Variants in FLNB observed in about 807,000 individuals in gnomAD.
FLNB encodes the protein filamin-B.
In FLNB, 111 loss-of-function variants were observed where a neutral mutation model predicts 250.6. The ratio of observed to expected loss-of-function variants is 0.44; its 90% confidence interval spans 0.38 to 0.52. The LOEUF (loss-of-function observed/expected upper bound fraction) is 0.52. FLNB is among the 20% of genes least tolerant of loss of function. The pLI is 0.00. For synonymous variants in FLNB, 1,302 were observed against 1,372.1 expected (o/e 0.95, Z 1.13); for missense variants, 2,869 against 3,447.8 (o/e 0.83, Z 4.20).
intron 1 of FLNB, among the ~76,000 whole-genome samples, chr3:58,019,471 T>G (rs2097110570): frequency 6.6e-6 from 1 of 152,192 alleles, no homozygotes; most frequent in Non-Finnish European, 1.5e-5. Flanking sequence ...CCTCTTTCTT[T>G]TAGGTTGACA....
At chr3:58,147,356 C>T (rs942928394) in intron 34 of FLNB, among the ~76,000 whole-genome samples, 6 of 152,226 alleles carry the variant, frequency 3.9e-5, no homozygotes, top group African/African-American at 1.4e-4. Flanking sequence ...AAATTTTCTG[C>T]TATCCCTTTT....
chr3:58,047,315 T>C (rs1053011446), intron 1 of FLNB, among the ~76,000 whole-genome samples: 3 of 152,324 alleles, frequency 2.0e-5, no homozygotes, highest in African/African-American at 7.2e-5. Flanking sequence ...TTAACAGTTT[T>C]CATTTTAGCA....
chr3:58,158,056 G>C (rs551850619), intron 41 of FLNB, among the ~76,000 whole-genome samples: 18 of 133,418 alleles, frequency 1.3e-4, no homozygotes, highest in African/African-American at 4.9e-4. Context: ...GGCATGTATC[G>C]TTTTGTCTTG....
At position 58,067,091 on chromosome 3, in the gene FLNB, G is replaced by A. The variant is rs556387667; in HGVS notation, c.293-9955G>A. On this transcript the variant is annotated intron_variant, in intron 1 of 45. Transcript: ENST00000295956. Reference sequence around the variant, plus strand: ...TCTGTTGCAGAGAAATCCTGGCCACGACTCCCCCATGCCATGCCCAGGGCA... The same window carrying A: ...TCTGTTGCAGAGAAATCCTGGCCACAACTCCCCCATGCCATGCCCAGGGCA... Among the ~76,000 whole-genome samples the A allele has an allele frequency of 3.3e-5, 5 of 152,252 alleles. No homozygotes were observed. In the East Asian group the frequency reaches 5.8e-4, roughly 18 times the overall value.
intron 7 of FLNB, 129 bp from the exon 8 acceptor site, chr3:58,098,582 C>T (rs1178771446): frequency 2.5e-6 from 2 of 801,740 alleles, no homozygotes. Flanking sequence ...ATCTACCCAC[C>T]TCGGCCTCTC....
chr3:58,129,510 G>A (rs2097303049), intron 24 of FLNB, among the ~76,000 whole-genome samples: 1 of 152,180 alleles, frequency 6.6e-6, no homozygotes, highest in South Asian at 2.1e-4. Context: ...ACTCTCTAAA[G>A]TAAAGCCCCC....
At chr3:58,148,584 G>A in intron 35 of FLNB, 65 bp from the exon 36 acceptor site, 1 of 1,407,562 alleles carries the variant, frequency 7.1e-7, no homozygotes, top group African/African-American at 1.4e-5. Context: ...ATTTCTGAGA[G>A]TGTGTCTCTC....
At chr3:58,101,103 T>C (rs965300955) in intron 8 of FLNB, among the ~76,000 whole-genome samples, 4 of 152,216 alleles carry the variant, frequency 2.6e-5, no homozygotes, top group African/African-American at 9.6e-5. Flanking sequence ...CGTAAGCTTA[T>C]GTTCATCCAT....
At chr3:58,112,357 C>T (rs2097270308) in intron 18 of FLNB, 39 bp downstream of exon 18, 2 of 1,600,792 alleles carry the variant, frequency 1.2e-6, no homozygotes, top group Non-Finnish European at 1.7e-6. Context: ...GGCCCCCAGC[C>T]AGGCCCCTTT....
intron 1 of FLNB, among the ~76,000 whole-genome samples, chr3:58,065,605 G>T (rs2097184360): frequency 6.6e-6 from 1 of 152,248 alleles, no homozygotes. Flanking sequence ...GCCCAGGAGA[G>T]GGGGCTGGAA....
intron 1 of FLNB, among the ~76,000 whole-genome samples, chr3:58,075,306 C>T (rs915561836): frequency 6.6e-6 from 1 of 152,110 alleles, no homozygotes; most frequent in African/African-American, 2.4e-5. Context: ...GGAACTCACA[C>T]ATAAATGCTG....
Position 58,097,823 on chromosome 3 carries a change from C to A in FLNB, c.993C>A (p.Val331=), listed in dbSNP as rs775545607. Residue 331 remains valine (V), a synonymous_variant, in exon 7 of 46, where the codon GTC becomes GTA. Transcript: ENST00000295956. ...CTATCTGTCACCTATAGGTCACAGT[C>A]CTCTTTGCAGGACAGCACATCTCCA... is the stretch of plus-strand genomic sequence containing the variant. The part of the protein sequence containing the change: ...PKVTGLHKVT[V]LFAGQHISKS... The A allele has an allele frequency of 1.1e-5, 18 of 1,614,002 alleles. No individual in the cohort carries two copies. In the East Asian group the frequency reaches 3.6e-4, roughly 32 times the overall value.
rs984880833 is a variant in FLNB at position 58,150,590 on chromosome 3, T to A, written c.6367+363T>A. Reference sequence around the variant, plus strand: ...CCAGGGTCTGGAAGTATTTAAGAGGTGGCAGCCCAGCGGCATCCTTCTAGT... The same window carrying A: ...CCAGGGTCTGGAAGTATTTAAGAGGAGGCAGCCCAGCGGCATCCTTCTAGT... On this transcript the variant is annotated intron_variant, in intron 38 of 45. Coordinates refer to ENST00000295956, the MANE Select transcript of FLNB (RefSeq NM_001457.4). 2.4e-5 allele frequency: 8 copies of A among 333,890 alleles called. No homozygotes were observed. In the East Asian group the frequency reaches 5.4e-4, roughly 23 times the overall value. The allele number at this position is 333,890 out of a possible 1,614,324, so 20.7% of individuals were successfully genotyped here.
intron 11 of FLNB, 84 bp downstream of exon 11, chr3:58,105,300 C>T: frequency 6.4e-7 from 1 of 1,560,316 alleles, no homozygotes; most frequent in South Asian, 1.1e-5. Flanking sequence ...ATGTTGGGGC[C>T]TTGCCTAGCC....
intron 19 of FLNB, 91 bp from the exon 20 acceptor site, chr3:58,121,150 C>T (rs768882967): frequency 2.6e-6 from 4 of 1,543,674 alleles, no homozygotes; most frequent in East Asian, 2.2e-5. Context: ...GATAAGTCCC[C>T]GTGTCCAAAG....
At chr3:58,158,112 G>C (rs915646304) in intron 41 of FLNB, among the ~76,000 whole-genome samples, 2 of 152,020 alleles carry the variant, frequency 1.3e-5, no homozygotes, top group African/African-American at 4.8e-5. Flanking sequence ...CACTTGGGGT[G>C]GGGGTGGGAT....
intron 11 of FLNB, 130 bp from the exon 12 acceptor site, chr3:58,106,550 G>T (rs1366186047): frequency 3.7e-6 from 3 of 814,514 alleles, no homozygotes; most frequent in Admixed American, 4.0e-5. Flanking sequence ...GGAAGAAAGG[G>T]ATACAAACAG....
At chr3:58,046,502 T>G (rs1250732080) in intron 1 of FLNB, among the ~76,000 whole-genome samples, 1 of 150,544 alleles carries the variant, frequency 6.6e-6, no homozygotes, top group African/African-American at 2.4e-5. Flanking sequence ...CAGGCTGGAG[T>G]GCAGTGGTGC....
chr3:58,020,482 G>A (rs773704068), intron 1 of FLNB, among the ~76,000 whole-genome samples: 5 of 152,170 alleles, frequency 3.3e-5, no homozygotes, highest in South Asian at 2.1e-4. Context: ...AAGCTGGTCC[G>A]TCCAGCCCAT....
Sources: allele counts gnomAD v4.1 joint callset (sites outside exome capture counted in the v4.1 genomes callset), GRCh38; gene constraint gnomAD v4.1.1; transcripts MANE v1.5; gene names NCBI Gene and HGNC (gene_info 2026-07-23, HGNC 2026-07-21).